The following LVRN variants were observed in gnomAD, a reference collection of about 807,000 sequenced individuals.
LVRN encodes the protein laeverin, also known as aminopeptidase Q.
LVRN carries 99 observed loss-of-function variants against 111.4 expected under a neutral mutation model. That is an observed-to-expected ratio of 0.89 (90% confidence interval 0.76 to 1.05). The LOEUF is 1.05. Among genes scored for constraint, LVRN ranks in the 50% least tolerant of loss-of-function variants. The pLI is 0.00. For synonymous variants in LVRN, 488 were observed against 449.5 expected, an observed-to-expected ratio of 1.09 and a Z score of -1.08; for missense variants, 1,414 against 1,206.8, an observed-to-expected ratio of 1.17 and a Z score of -2.54.
At chr5:116,001,739 T>A (rs1748243942) in intron 10 of LVRN, among the ~76,000 whole-genome samples, 1 of 152,194 alleles carries the variant, frequency 6.6e-6, no homozygotes, top group African/African-American at 2.4e-5. Context: ...ACCCACAACA[T>A]TAGAATTAAG....
At chr5:115,968,740 C>T (rs537202998) in intron 1 of LVRN, among the ~76,000 whole-genome samples, 26 of 152,232 alleles carry the variant, frequency 1.7e-4, no homozygotes, top group Non-Finnish European at 3.1e-4. Flanking sequence ...CTCCTTCTGA[C>T]GGTATAACCC....
At chr5:115,996,751 C>T (rs115825602) in intron 6 of LVRN, among the ~76,000 whole-genome samples, 177 of 152,278 alleles carry the variant, frequency 1.2e-3, no homozygotes, top group African/African-American at 4.0e-3. Flanking sequence ...CACCTTCCTG[C>T]TGCCTGATCT....
chr5:116,007,006 T>G (rs1366203), intron 13 of LVRN, among the ~76,000 whole-genome samples: 3 of 152,072 alleles, frequency 2.0e-5, no homozygotes, highest in Non-Finnish European at 4.4e-5. Context: ...TGCTTCATCT[T>G]ACATGCACAG....
chr5:115,987,626 G>C (rs1041730877), intron 3 of LVRN, among the ~76,000 whole-genome samples, 187 bp from the exon 4 acceptor site: 3 of 152,100 alleles, frequency 2.0e-5, no homozygotes, highest in Non-Finnish European at 4.4e-5. Flanking sequence ...GGGAATCACT[G>C]TTCATAACTT....
At chr5:115,996,340 C>T (rs934513567) in intron 6 of LVRN, among the ~76,000 whole-genome samples, 15 of 152,120 alleles carry the variant, frequency 9.9e-5, no homozygotes, top group East Asian at 1.9e-4. Flanking sequence ...AAGATTACAA[C>T]GTTAGTCTCT....
At chr5:115,985,840 C>T (rs1323530767) in intron 3 of LVRN, among the ~76,000 whole-genome samples, 2 of 152,284 alleles carry the variant, frequency 1.3e-5, no homozygotes, top group South Asian at 2.1e-4. Flanking sequence ...GGGCCTTAGG[C>T]CCAGTTCTTT....
intron 16 of LVRN, 79 bp from the exon 17 acceptor site, chr5:116,015,173 A>G: frequency 2.3e-6 from 2 of 879,614 alleles, no homozygotes; most frequent in Non-Finnish European, 3.0e-6. Context: ...TATTTTTTCT[A>G]GATTCATACT....
At position 115,963,293 on chromosome 5, in the gene LVRN, A is replaced by C; in HGVS notation, c.676A>C (p.Thr226Pro). 6.2e-7 allele frequency: 1 copy of C among 1,610,262 alleles called. No homozygotes were observed. The highest frequency in any genetic ancestry group is 8.5e-7 in the Non-Finnish European group (1 of 1,178,722). ...GGAGGGACTCTTCCTCAACGTCTAC[A>C]CCGACCAGGGCGAGCGCAGGTAAGG... ...LREGLFLNVY[T>P]DQGERRALLA... Residue 226 changes from threonine to proline, a missense_variant, in exon 1 of 20, where the codon ACC (threonine) becomes CCC (proline). Transcript: ENST00000357872.
At chr5:115,988,018 A>T in intron 4 of LVRN, 79 bp downstream of exon 4, 1 of 1,523,758 alleles carries the variant, frequency 6.6e-7, no homozygotes, top group Non-Finnish European at 8.9e-7. Context: ...ATACACAGAC[A>T]AACCCATAAG....
At chr5:116,025,887 C>G in intron 19 of LVRN, 91 bp from the exon 20 acceptor site, 11 of 1,523,066 alleles carry the variant, frequency 7.2e-6, no homozygotes, top group Non-Finnish European at 9.8e-6. Flanking sequence ...CACCAATTTA[C>G]AAACTCATGT....
chr5:116,001,243 G>A lies in LVRN; in HGVS notation c.1820+4G>A, dbSNP rs1436137106. The stretch of plus-strand genomic sequence containing the variant: ...ATCGGACTCTTCTAACCAGCAAGTA[G>A]GTAGCTTTGCTCCTCTTTGTCTTCA... On this transcript the variant is annotated splice_donor_region_variant and intron_variant, in intron 10 of 19. Coordinates refer to ENST00000357872, the MANE Select transcript of LVRN (RefSeq NM_173800.5). The A allele has an allele frequency of 6.2e-7, 1 of 1,612,520 alleles. No individual in the cohort carries two copies. Among genetic ancestry groups the A allele is most frequent in the Non-Finnish European group, 8.5e-7 (1 of 1,179,604 alleles).
chr5:115,963,439 C>CGTTTTCT, intron 1 of LVRN, 127 bp downstream of exon 1: 1 of 627,334 alleles, frequency 1.6e-6, no homozygotes, highest in Non-Finnish European at 2.6e-6. Flanking sequence ...CCCCTTGCGA[C>CGTTTTCT]GTTTTCTTTT....
intron 13 of LVRN, among the ~76,000 whole-genome samples, chr5:116,006,578 C>G (rs1748379515): frequency 6.6e-6 from 1 of 152,090 alleles, no homozygotes; most frequent in Admixed American, 6.6e-5. Context: ...TTTTGGCTTC[C>G]TGAGACTCTG....
chr5:115,984,210 C>G (rs374667335), intron 2 of LVRN, among the ~76,000 whole-genome samples: 1 of 152,120 alleles, frequency 6.6e-6, no homozygotes, highest in Non-Finnish European at 1.5e-5. Flanking sequence ...CCTTGTTGAC[C>G]TACCGTGGGG....
chr5:115,980,755 T>C (rs150403823), intron 1 of LVRN, among the ~76,000 whole-genome samples: 1 of 152,104 alleles, frequency 6.6e-6, no homozygotes, highest in South Asian at 2.1e-4. Flanking sequence ...TTTGTTGGCT[T>C]TTAAAAAATA....
At chr5:115,977,516 T>TAG (rs1266801187) in intron 1 of LVRN, among the ~76,000 whole-genome samples, 1 of 152,194 alleles carries the variant, frequency 6.6e-6, no homozygotes. Flanking sequence ...TGTTACTCCC[T>TAG]GTGGTGGCAA....
intron 4 of LVRN, among the ~76,000 whole-genome samples, chr5:115,990,071 C>T (rs945837816): frequency 6.6e-6 from 1 of 152,278 alleles, no homozygotes; most frequent in African/African-American, 2.4e-5. Context: ...TCAATGAATT[C>T]TAAACTTTAG....
At chr5:116,006,030 G>A (rs1415025899) in intron 13 of LVRN, 63 bp downstream of exon 13, 1 of 1,309,942 alleles carries the variant, frequency 7.6e-7, no homozygotes, top group Non-Finnish European at 1.1e-6. Flanking sequence ...AAAAATAATA[G>A]CTTCATCACT....
intron 13 of LVRN, among the ~76,000 whole-genome samples, chr5:116,008,572 A>G (rs915042789): frequency 6.6e-6 from 1 of 151,270 alleles, no homozygotes; most frequent in Non-Finnish European, 1.5e-5. Flanking sequence ...GAAGGAAATT[A>G]AAAAGTACTG....
Sources: gnomAD v4.1 joint callset for allele counts (sites outside exome capture counted in the v4.1 genomes callset) on GRCh38, gnomAD v4.1.1 for gene constraint, MANE v1.5 for transcripts, NCBI Gene and HGNC (gene_info 2026-07-23, HGNC 2026-07-21) for gene names.